CNGB1: variants seen among roughly 807,000 people sequenced by gnomAD.
The protein encoded by CNGB1 is cyclic nucleotide-gated channel beta-1.
Under a neutral mutation model 151.7 loss-of-function variants are expected in CNGB1, and 126 were observed. The observed-to-expected ratio is 0.83, with a 90% CI of 0.72 to 0.96. CNGB1 has a LOEUF of 0.96. Among genes scored for constraint, CNGB1 ranks in the 40% least tolerant of loss-of-function variants. The probability of loss-of-function intolerance (pLI) is 0.00; values close to 1 mark genes in which losing one functional copy is unlikely to be tolerated. For missense variants in CNGB1, 1,698 were observed against 1,627.0 expected (o/e 1.04, Z -0.75); for synonymous variants, 623 against 635.1 (o/e 0.98, Z 0.29).
intron 23 of CNGB1, 48 bp from the exon 24 acceptor site, chr16:57,913,042 A>G (rs1960774844): frequency 6.3e-7 from 1 of 1,593,382 alleles, no homozygotes; most frequent in Non-Finnish European, 8.6e-7. Flanking sequence ...CATAGGTAGC[A>G]TGCTGCTCCC....
In CNGB1 at chr16:57,917,464, A is replaced by G; in HGVS notation, c.1970T>C (p.Val657Ala). ...SIDPLTNLMY[V>A]LWLFFVVMAW... ...CATCACCACGAAGAACAGCCATAGG[A>G]CATACATCAGGTCTGTGGGGAAGGT... Residue 657 changes from valine (V) to alanine (A), a missense_variant, in exon 21 of 33, where the codon GTC (valine) becomes GCC (alanine). Coordinates refer to ENST00000251102, the MANE Select transcript of CNGB1 (RefSeq NM_001297.5). 6.2e-7 allele frequency: 1 copy of G among 1,614,026 alleles called. No individual in the cohort carries two copies. Among genetic ancestry groups the G allele is most frequent in the Admixed American group, 1.7e-5 (1 of 60,012 alleles).
chr16:57,955,138 G>C, intron 12 of CNGB1: 4 of 1,467,494 alleles, frequency 2.7e-6, no homozygotes. Context: ...CCCTTGTTCT[G>C]GTCTGGGAGG....
At position 57,963,001 on chromosome 16, in the gene CNGB1, A is replaced by T. The variant is rs1962299506; in HGVS notation, c.354T>A (p.Val118=). 1.9e-6 allele frequency: 3 copies of T among 1,613,574 alleles called. No individual in the cohort carries two copies. The highest frequency in any genetic ancestry group is 2.5e-6 in the Non-Finnish European group (3 of 1,180,024). The change falls in exon 5 of 33, where the codon GTT becomes GTA. Residue 118 remains valine (V), a synonymous_variant. Transcript: ENST00000251102. ...KGVEKVIPQP[V]HSITEDPAQI... ...GAGCCGGGTCCTCCGTGATGCTGTGAACAGGCTGCGGGATCACCTTCTCTA... is the reference window on the plus strand; with the variant it reads ...GAGCCGGGTCCTCCGTGATGCTGTGTACAGGCTGCGGGATCACCTTCTCTA...
Position 57,934,332 on chromosome 16 carries a change from G to A in CNGB1, c.1373-2454C>T, listed in dbSNP as rs189520010. ...TCACAGTGTTCCAGCTACTTGGGAG[G>A]CTGAGGTTGGAGGATAGGTTGAACC... On this transcript the variant is annotated intron_variant, in intron 16 of 32. Coordinates refer to ENST00000251102, the MANE Select transcript of CNGB1 (RefSeq NM_001297.5). Among the ~76,000 whole-genome samples, 109 of 152,310 alleles carry A rather than the reference G, an allele frequency of 7.2e-4. 1 individual carries two copies. Among genetic ancestry groups the A allele is most frequent in the Non-Finnish European group, 1.3e-3 (90 of 68,036 alleles).
chr16:57,964,628 A>G lies in CNGB1; in HGVS notation c.160-84T>C, dbSNP rs1378348228. On this transcript the variant is annotated intron_variant, in intron 2 of 32. Coordinates refer to ENST00000251102, the MANE Select transcript of CNGB1 (RefSeq NM_001297.5). ...GGGCAGCCTGATTCTCCCTCAAGGGATCCCTGCCCCACAAAAGACCTGAAC... is the reference window on the plus strand; with the variant it reads ...GGGCAGCCTGATTCTCCCTCAAGGGGTCCCTGCCCCACAAAAGACCTGAAC... The G allele has an allele frequency of 1.3e-5, 17 of 1,350,636 alleles. No homozygotes were observed. The Admixed American group carries it at 2.2e-4, about 18-fold the overall frequency. 83.7% of individuals were successfully genotyped at this position (1,350,636 alleles called of 1,614,324 possible).
intron 31 of CNGB1, among the ~76,000 whole-genome samples, chr16:57,892,761 A>G (rs1960127791): frequency 6.6e-6 from 1 of 152,136 alleles, no homozygotes; most frequent in South Asian, 2.1e-4. Flanking sequence ...GCCTCTGCAC[A>G]TGCTGTTCCC....
At chr16:57,938,947 T>C (rs1596996327) in intron 16 of CNGB1, among the ~76,000 whole-genome samples, 1 of 152,164 alleles carries the variant, frequency 6.6e-6, no homozygotes, top group Non-Finnish European at 1.5e-5. Flanking sequence ...TAAAGAGACA[T>C]GGAGTCCAGG....
intron 12 of CNGB1, among the ~76,000 whole-genome samples, chr16:57,956,751 CCACCG>C (rs1238615521): frequency 1.3e-5 from 2 of 152,204 alleles, no homozygotes; most frequent in Middle Eastern, 3.2e-3. Context: ...GAATGCCTGT[CCACCG>C]CATGCCTCTC....
intron 2 of CNGB1, among the ~76,000 whole-genome samples, chr16:57,964,936 T>C (rs7185852): frequency 0.45 from 67,927 of 152,146 alleles, 17,416 homozygotes; most frequent in African/African-American, 0.7. Flanking sequence ...CCTCATCCTC[T>C]GCCAGTGCTC....
intron 17 of CNGB1, among the ~76,000 whole-genome samples, chr16:57,928,848 A>AGACCATGTT (rs1232611597): frequency 6.6e-6 from 1 of 152,160 alleles, no homozygotes; most frequent in African/African-American, 2.4e-5. Flanking sequence ...CATGTTGGCC[A>AGACCATGTT]GGCTGGTCTC....
In CNGB1 at chr16:57,919,033, C is replaced by T. The variant is rs1447711526; in HGVS notation, c.1957+66G>A. The T allele has an allele frequency of 3.1e-6, 5 of 1,611,134 alleles. 1 individual carries two copies. The South Asian group carries it at 4.4e-5, about 14-fold the overall frequency. On this transcript the variant is annotated intron_variant, in intron 20 of 32. Coordinates refer to ENST00000251102, the MANE Select transcript of CNGB1 (RefSeq NM_001297.5). ...CTCTTGAATCCCCTGACCCTCTCCC[C>T]ATCCCGCTCCAACTCTCCTGCTCTC...
At chr16:57,925,596 C>T (rs973646044) in intron 17 of CNGB1, among the ~76,000 whole-genome samples, 4 of 152,172 alleles carry the variant, frequency 2.6e-5, no homozygotes, top group East Asian at 1.9e-4. Context: ...AGCCTTGCTT[C>T]GGTCTTTAGC....
intron 14 of CNGB1, among the ~76,000 whole-genome samples, chr16:57,941,619 T>C (rs1324642308): frequency 6.6e-6 from 1 of 152,194 alleles, no homozygotes; most frequent in Non-Finnish European, 1.5e-5. Flanking sequence ...TCTCAATAGA[T>C]GCAGAAAAAG....
intron 12 of CNGB1, among the ~76,000 whole-genome samples, chr16:57,955,806 A>G (rs1450995306): frequency 3.3e-5 from 5 of 152,200 alleles, no homozygotes; most frequent in Admixed American, 6.5e-5. Flanking sequence ...GCAAGTGGCC[A>G]CCAGGAGCAA....
At chr16:57,907,692 C>T (rs1374009483) in intron 25 of CNGB1, among the ~76,000 whole-genome samples, 2 of 152,190 alleles carry the variant, frequency 1.3e-5, no homozygotes, top group Non-Finnish European at 2.9e-5. Context: ...TCCCCCTCTG[C>T]CTCCTTGTGA....
chr16:57,955,026 G>A, intron 12 of CNGB1: 1 of 1,213,392 alleles, frequency 8.2e-7, no homozygotes, highest in Non-Finnish European at 1.0e-6. Flanking sequence ...TGGGATTACA[G>A]GCGTGAGCCA....
rs1160220059 is a variant in CNGB1, at chr16:57,883,772, C to T, written c.*392G>A. The T allele has an allele frequency of 3.4e-6, 1 of 296,004 alleles. No homozygotes were observed. The highest frequency in any genetic ancestry group is 6.5e-6 in the Non-Finnish European group (1 of 154,986). 18.3% of individuals were successfully genotyped at this position (296,004 alleles called of 1,614,324 possible). ...TTAGACAAATTCCTGAGGGGAAACC[C>T]CACACATTCAATAACACTTTACTTT... On this transcript the variant is annotated 3_prime_UTR_variant, in exon 33 of 33. Coordinates refer to ENST00000251102, the MANE Select transcript of CNGB1 (RefSeq NM_001297.5).
At chr16:57,897,034 T>A (rs1177524559) in intron 31 of CNGB1, among the ~76,000 whole-genome samples, 1 of 152,160 alleles carries the variant, frequency 6.6e-6, no homozygotes, top group Non-Finnish European at 1.5e-5. Context: ...CCAGGCGCAG[T>A]GGCTCACACC....
intron 12 of CNGB1, among the ~76,000 whole-genome samples, chr16:57,955,926 G>A (rs1432713317): frequency 6.6e-6 from 1 of 152,188 alleles, no homozygotes; most frequent in African/African-American, 2.4e-5. Context: ...AGTGTCTGTT[G>A]TTCTAAGCCG....
Sources: gnomAD v4.1 joint callset for allele counts (sites outside exome capture counted in the v4.1 genomes callset) on GRCh38, gnomAD v4.1.1 for gene constraint, MANE v1.5 for transcripts, NCBI Gene and HGNC (gene_info 2026-07-23, HGNC 2026-07-21) for gene names.